The following BCL9 variants were observed in gnomAD, a reference collection of about 807,000 sequenced individuals.
BCL9 encodes the protein BCL9 transcription coactivator, also known as B-cell CLL/lymphoma 9 protein.
A neutral mutation model predicts 88.5 loss-of-function variants in BCL9; 25 were observed. The observed-to-expected ratio is 0.28, with a 90% CI of 0.21 to 0.39. BCL9 has a LOEUF of 0.39. Among genes scored for constraint, BCL9 ranks in the 10% least tolerant of loss-of-function variants. The probability of loss-of-function intolerance (pLI) is 1.00; values close to 1 mark genes in which losing one functional copy is unlikely to be tolerated. For missense variants in BCL9, 1,817 were observed against 1,877.8 expected (o/e 0.97, Z 0.60); for synonymous variants, 711 against 673.3 (o/e 1.06, Z -0.87).
chr1:147,559,396 T>C (rs587627259), intron 1 of BCL9, among the ~76,000 whole-genome samples: 3 of 152,338 alleles, frequency 2.0e-5, no homozygotes, highest in African/African-American at 7.2e-5. Flanking sequence ...CTCTTGTCTA[T>C]AAACATAGCA....
chr1:147,542,226 C>T (rs587655208), intron 1 of BCL9, among the ~76,000 whole-genome samples: 1 of 152,172 alleles, frequency 6.6e-6, no homozygotes, highest in African/African-American at 2.4e-5. Context: ...CACCCCGATC[C>T]TTACCACCCC....
At chr1:147,583,530 G>T (rs2101554588) in intron 1 of BCL9, among the ~76,000 whole-genome samples, 2 of 151,810 alleles carry the variant, frequency 1.3e-5, no homozygotes, top group African/African-American at 4.8e-5. Flanking sequence ...TGTCTACCTT[G>T]GCCTCCCAAA....
intron 1 of BCL9, among the ~76,000 whole-genome samples, chr1:147,553,484 A>G (rs1654980159): frequency 6.6e-6 from 1 of 152,180 alleles, no homozygotes; most frequent in Admixed American, 6.5e-5. Flanking sequence ...AAATCCCTTA[A>G]TAGAGAGTAA....
chr1:147,581,823 T>C (rs191942647), intron 1 of BCL9, among the ~76,000 whole-genome samples: 2 of 152,290 alleles, frequency 1.3e-5, no homozygotes, highest in Admixed American at 1.3e-4. Context: ...ATTTGTCAGG[T>C]TTTTACATCT....
At chr1:147,596,913 CAAGAAT>C (rs1553200570) in intron 1 of BCL9, among the ~76,000 whole-genome samples, 1 of 152,146 alleles carries the variant, frequency 6.6e-6, no homozygotes, top group Non-Finnish European at 1.5e-5. Context: ...TTGACCAAGG[CAAGAAT>C]TTGTTAAGCC....
At chr1:147,552,387 C>A (rs1654938676) in intron 1 of BCL9, among the ~76,000 whole-genome samples, 1 of 152,146 alleles carries the variant, frequency 6.6e-6, no homozygotes. Context: ...GCGGGTGGAA[C>A]AACTGAGGTC....
At chr1:147,617,350 G>A (rs769556771) in intron 7 of BCL9, among the ~76,000 whole-genome samples, 5 of 152,158 alleles carry the variant, frequency 3.3e-5, no homozygotes, top group Middle Eastern at 3.2e-3. Flanking sequence ...GTTTTCTGAC[G>A]TCATGGTTTC....
At chr1:147,606,155 T>C (rs1553201956) in intron 2 of BCL9, among the ~76,000 whole-genome samples, 1 of 152,200 alleles carries the variant, frequency 6.6e-6, no homozygotes, top group Non-Finnish European at 1.5e-5. Context: ...TGGTGGAAAT[T>C]GTTCTGCTTG....
At position 147,542,973 on chromosome 1, in the gene BCL9, G is replaced by C. The variant is rs144755186; in HGVS notation, c.-478+1299G>C. Reference sequence around the variant, plus strand: ...ATTTACAATTGCTGTTTATCAGAGAGTAAATATCTTACTGTGTGTGTACGA... The same window carrying C: ...ATTTACAATTGCTGTTTATCAGAGACTAAATATCTTACTGTGTGTGTACGA... On this transcript the variant is annotated intron_variant, in intron 1 of 9. Coordinates refer to ENST00000234739, the MANE Select transcript of BCL9 (RefSeq NM_004326.4). 3.1e-3 allele frequency among the ~76,000 whole-genome samples: 470 copies of C among 152,280 alleles called. 3 individuals are homozygous for C. The highest frequency in any genetic ancestry group is 0.01 in the African/African-American group (431 of 41,544).
At chr1:147,613,934 C>A (rs1383669484) in intron 5 of BCL9, among the ~76,000 whole-genome samples, 1 of 152,144 alleles carries the variant, frequency 6.6e-6, no homozygotes, top group African/African-American at 2.4e-5. Flanking sequence ...GTGATTGTTT[C>A]TCCCCTCCTT....
At position 147,622,369 on chromosome 1, in the gene BCL9, C is replaced by G; in HGVS notation, c.3001C>G (p.Leu1001Val). 5 of 1,614,216 alleles carry G rather than the reference C, an allele frequency of 3.1e-6. No homozygotes were observed. The highest frequency in any genetic ancestry group is 4.5e-5 in the East Asian group (2 of 44,886). The change falls in exon 9 of 10, where the codon CTT (leucine) becomes GTT (valine). Residue 1001 changes from leucine to valine, a missense_variant. Physicochemically the swap from Leu to Val is conservative, Grantham distance 32. Coordinates refer to ENST00000234739, the MANE Select transcript of BCL9 (RefSeq NM_004326.4). The part of the protein sequence containing the change: ...TPYTMPPEPT[L>V]SQNPLSIMMS... ...TTATACCATGCCTCCAGAGCCAACC[C>G]TTTCCCAGAACCCACTCTCTATTAT...
intron 1 of BCL9, among the ~76,000 whole-genome samples, chr1:147,552,512 A>C (rs782448836): frequency 4.6e-5 from 7 of 152,206 alleles, no homozygotes; most frequent in Admixed American, 3.9e-4. Flanking sequence ...AGACTGAGGC[A>C]GGAGAATCAC....
chr1:147,570,277 A>G (rs1655819416), intron 1 of BCL9, among the ~76,000 whole-genome samples: 1 of 152,186 alleles, frequency 6.6e-6, no homozygotes, highest in Admixed American at 6.5e-5. Context: ...TTTAATGAAA[A>G]GGTGGAAGAA....
chr1:147,561,316 A>G (rs1655366752), intron 1 of BCL9, among the ~76,000 whole-genome samples: 1 of 152,244 alleles, frequency 6.6e-6, no homozygotes, highest in South Asian at 2.1e-4. Flanking sequence ...AGGCACAGAC[A>G]TGGAATCTAT....
intron 1 of BCL9, among the ~76,000 whole-genome samples, chr1:147,557,231 C>CA (rs1337098178): frequency 5.3e-4 from 80 of 152,226 alleles, no homozygotes; most frequent in African/African-American, 1.9e-3. Context: ...ACACAACTTG[C>CA]TTGATAACAT....
At chr1:147,581,657 T>A (rs1553198652) in intron 1 of BCL9, among the ~76,000 whole-genome samples, 1 of 152,210 alleles carries the variant, frequency 6.6e-6, no homozygotes. Flanking sequence ...TTTAATCTCA[T>A]GCTTCTTTTT....
At chr1:147,592,306 G>A (rs1310094167) in intron 1 of BCL9, among the ~76,000 whole-genome samples, 1 of 152,094 alleles carries the variant, frequency 6.6e-6, no homozygotes, top group African/African-American at 2.4e-5. Context: ...GGCATCTCTC[G>A]CCAATCTCAA....
At chr1:147,568,512 A>G (rs1655717344) in intron 1 of BCL9, among the ~76,000 whole-genome samples, 1 of 150,164 alleles carries the variant, frequency 6.7e-6, no homozygotes, top group African/African-American at 2.4e-5. Flanking sequence ...TAGTCATTTC[A>G]CTTGGATCCA....
chr1:147,615,713 C>A lies in BCL9; in HGVS notation c.561-90C>A, dbSNP rs897671376. ...TCTTTCTATTCCTTCCTCTCCCTTACAAGTTTATTGTGTGGTTAAAGTGCT... is the reference window on the plus strand; with the variant it reads ...TCTTTCTATTCCTTCCTCTCCCTTAAAAGTTTATTGTGTGGTTAAAGTGCT... On this transcript the variant is annotated intron_variant, in intron 6 of 9. Coordinates refer to ENST00000234739, the MANE Select transcript of BCL9 (RefSeq NM_004326.4). 5.2e-5 allele frequency: 50 copies of A among 956,038 alleles called. No individual in the cohort carries two copies. The East Asian group carries it at 6.2e-4, about 12-fold the overall frequency. 59.2% of individuals were successfully genotyped at this position (956,038 alleles called of 1,614,324 possible). A position where few individuals can be genotyped will look rare whatever the true frequency, so the allele number is the denominator to read the frequency against.
Sources: allele counts gnomAD v4.1 joint callset (sites outside exome capture counted in the v4.1 genomes callset), GRCh38; gene constraint gnomAD v4.1.1; transcripts MANE v1.5; gene names NCBI Gene and HGNC (gene_info 2026-07-23, HGNC 2026-07-21).